Variants in COCH observed in about 807,000 individuals in gnomAD.
COCH encodes cochlin, also known as coagulation factor C homolog, cochlin (Limulus polyphemus).
Under a neutral mutation model 54.8 loss-of-function variants are expected in COCH, and 40 were observed. That is an observed-to-expected ratio of 0.73 (90% CI 0.57 to 0.95). The LOEUF (loss-of-function observed/expected upper bound fraction) is 0.95, where lower values mean the gene tolerates loss of function less well. COCH is among the 40% of genes least tolerant of loss of function. COCH has a pLI of 0.00. For synonymous variants in COCH, 256 were observed against 237.9 expected, an observed-to-expected ratio of 1.08 and a Z score of -0.70; for missense variants, 605 against 675.0, an observed-to-expected ratio of 0.90 and a Z score of 1.15.
downstream of COCH, chr14:30,895,086 GAA>G (rs1896104208): frequency 1.0e-4 from 12 of 116,192 alleles, no homozygotes; most frequent in African/African-American, 5.9e-4. Flanking sequence ...AAAAGAAGAA[GAA>G]GAAGAGAAAA....
In COCH at chr14:30,886,002, T is replaced by C. The variant is rs77370101; in HGVS notation, c.1167T>C (p.Phe389=). 1,260 of 1,614,234 alleles carry C rather than the reference T, an allele frequency of 7.8e-4. 6 individuals carry two copies. The African/African-American group carries it at 0.015, about 19-fold the overall frequency. The change falls in exon 11 of 12, where the codon TTT becomes TTC. Residue 389 remains phenylalanine (F), a synonymous_variant. Transcript: ENST00000396618. ...GCAATTTCCGCCTCATGCTTGAATT[T>C]GTTTCCAACATAGCCAAGACTTTTG... ...GDSNFRLMLE[F]VSNIAKTFEI... is the part of the protein sequence containing the mutation.
At position 30,889,929 on chromosome 14, in the gene COCH, T is replaced by C; in HGVS notation, c.*138T>C. The stretch of plus-strand genomic sequence containing the variant: ...GTATGTCAACAGCCATTTAGGCAAA[T>C]AAGCACTCCTTTAAAGCCGCTGCCT... On this transcript the variant is annotated 3_prime_UTR_variant, in exon 12 of 12. Transcript: ENST00000396618. 7.0e-7 allele frequency: 1 copy of C among 1,420,952 alleles called. No homozygotes were observed. 88.0% of individuals were successfully genotyped at this position (1,420,952 alleles called of 1,614,324 possible). A position where few individuals can be genotyped will look rare whatever the true frequency, so the allele number is the denominator to read the frequency against.
intron 9 of COCH, 193 bp from the exon 10 acceptor site, chr14:30,885,201 T>C: frequency 9.6e-7 from 1 of 1,037,160 alleles, no homozygotes; most frequent in East Asian, 2.4e-5. Flanking sequence ...ATAGGCCTGG[T>C]AGATAATTAA....
rs1431278294 is a variant in COCH, at chr14:30,890,298, G to A, written c.*507G>A. 3 of 985,046 alleles carry A rather than the reference G, an allele frequency of 3.0e-6. No individual in the cohort carries two copies. The highest frequency in any genetic ancestry group is 2.3e-4 in the East Asian group (2 of 8,830). The allele number at this position is 985,046 out of a possible 1,614,324, so 61.0% of individuals were successfully genotyped here. A position where few individuals can be genotyped will look rare whatever the true frequency, so the allele number is the denominator to read the frequency against. On this transcript the variant is annotated 3_prime_UTR_variant, in exon 12 of 12. Transcript: ENST00000396618. ...TCAATAATAGCTAGCTATTACTGCAGACTATAAAATCTGGATATAGAAAGG... is the reference window on the plus strand; with the variant it reads ...TCAATAATAGCTAGCTATTACTGCAAACTATAAAATCTGGATATAGAAAGG...
downstream of COCH, among the ~76,000 whole-genome samples, chr14:30,892,087 A>C (rs1466688319): frequency 6.9e-6 from 1 of 144,994 alleles, no homozygotes; most frequent in Non-Finnish European, 1.6e-5. Flanking sequence ...TCAACATATT[A>C]AGATTTGTAT....
At chr14:30,888,588 A>T (rs1895871567) in intron 11 of COCH, among the ~76,000 whole-genome samples, 1 of 152,028 alleles carries the variant, frequency 6.6e-6, no homozygotes, top group South Asian at 2.1e-4. Context: ...TCGAGATGAG[A>T]CCAGCCTGAA....
In COCH at chr14:30,878,793, G is replaced by T. The variant is rs778540217; in HGVS notation, c.240-18G>T. 1.2e-6 allele frequency: 2 copies of T among 1,614,138 alleles called. No homozygotes were observed. Among genetic ancestry groups the T allele is most frequent in the South Asian group, 2.2e-5 (2 of 91,072 alleles). On this transcript the variant is annotated intron_variant, in intron 4 of 11. Transcript: ENST00000396618. ...AAAAAGTGTGGATAGCATCTCAGCT[G>T]CTATTCTTGTGTTACAGGGGAGTAA...
At position 30,885,907 on chromosome 14, in the gene COCH, TGCA is replaced by T. The variant is rs1318656068; in HGVS notation, c.1076_1078del (p.Ser359del). 4 of 1,614,088 alleles carry T rather than the reference TGCA, an allele frequency of 2.5e-6. No homozygotes were observed. Among genetic ancestry groups the T allele is most frequent in the Admixed American group, 1.7e-5 (1 of 60,008 alleles). ...GCTGTGCACTCATGAACAAATGATG[TGCA>T]GCAAGACCTGTTATAACTCAGTGAA... On this transcript the variant is annotated inframe_deletion, in exon 11 of 12. Transcript: ENST00000396618.
chr14:30,891,485 C>G (rs1197850038), downstream of COCH, among the ~76,000 whole-genome samples: 1 of 152,174 alleles, frequency 6.6e-6, no homozygotes, highest in Non-Finnish European at 1.5e-5. Context: ...CTGGAATTGA[C>G]TTTTTCACTA....
rs201955674 is a variant in COCH at position 30,880,576 on chromosome 14, G to A, written c.482-11G>A. ...GACTGCTAATGAGGGGACTGGTTTG[G>A]TTGTTCGCAGATTGTAAAGCAGACA... is the stretch of plus-strand genomic sequence containing the variant. On this transcript the variant is annotated splice_polypyrimidine_tract_variant and intron_variant, in intron 7 of 11. Transcript: ENST00000396618. The A allele has an allele frequency of 2.7e-5, 44 of 1,614,010 alleles. No individual in the cohort carries two copies. Among genetic ancestry groups the A allele is most frequent in the Non-Finnish European group, 3.7e-5 (44 of 1,180,040 alleles).
At position 30,890,261 on chromosome 14, in the gene COCH, T is replaced by A; in HGVS notation, c.*470T>A. The stretch of plus-strand genomic sequence containing the variant: ...CATATTTTGACCCAAGTGGATATTT[T>A]CTTAAAACCAATCAATAATAGCTAG... On this transcript the variant is annotated 3_prime_UTR_variant, in exon 12 of 12. Coordinates refer to ENST00000396618, the MANE Select transcript of COCH (RefSeq NM_004086.3). 1 of 986,412 alleles carries A rather than the reference T, an allele frequency of 1.0e-6. No homozygotes were observed. Among genetic ancestry groups the A allele is most frequent in the South Asian group, 4.7e-5 (1 of 21,374 alleles). The allele number at this position is 986,412 out of a possible 1,614,324, so 61.1% of individuals were successfully genotyped here.
intron 11 of COCH, chr14:30,889,156 T>G: frequency 6.2e-6 from 1 of 161,446 alleles, no homozygotes. Flanking sequence ...TCCCATCTCT[T>G]GTGCCATTCT....
chr14:30,877,736 C>T lies in COCH; in HGVS notation c.239+8C>T, dbSNP rs1442600068. On this transcript the variant is annotated splice_region_variant and intron_variant, in intron 4 of 11. Transcript: ENST00000396618. This position sits in a 1 kb window ranked among gnomAD's most constrained non-coding sequence, Gnocchi z 8.6. ...TGGGGCTGCTGTCCACAGGTAAGCC[C>T]AAACACACCAGGGTGGGAGAGAAAT... The T allele has an allele frequency of 6.2e-7, 1 of 1,614,122 alleles. No individual in the cohort carries two copies. Among genetic ancestry groups the T allele is most frequent in the South Asian group, 1.1e-5 (1 of 91,074 alleles).
At position 30,879,416 on chromosome 14, in the gene COCH, T is replaced by A; in HGVS notation, c.374-7T>A. 1 of 1,613,854 alleles carries A rather than the reference T, an allele frequency of 6.2e-7. No individual in the cohort carries two copies. Among genetic ancestry groups the A allele is most frequent in the Non-Finnish European group, 8.5e-7 (1 of 1,179,832 alleles). Reference sequence around the variant, plus strand: ...GGAAAAAAATAAGCTTATTTTTATTTTAACAGAAGGCAAAAGTAGTACACA... The same window carrying A: ...GGAAAAAAATAAGCTTATTTTTATTATAACAGAAGGCAAAAGTAGTACACA... On this transcript the variant is annotated splice_region_variant and splice_polypyrimidine_tract_variant and intron_variant, in intron 5 of 11. Coordinates refer to ENST00000396618, the MANE Select transcript of COCH (RefSeq NM_004086.3).
At chr14:30,883,764 G>C (rs1895691129) in intron 8 of COCH, among the ~76,000 whole-genome samples, 2 of 152,262 alleles carry the variant, frequency 1.3e-5, no homozygotes, top group South Asian at 4.1e-4. Flanking sequence ...GCTGAACACA[G>C]AGTAGTTATA....
chr14:30,892,700 G>C (rs140018269), downstream of COCH, among the ~76,000 whole-genome samples: 592 of 152,084 alleles, frequency 3.9e-3, 1 homozygote, highest in African/African-American at 0.014. Context: ...CCAGCTACTT[G>C]GGAGGCTGAG....
At chr14:30,895,284 G>T, downstream of COCH, 1 of 902,594 alleles carries the variant, frequency 1.1e-6, no homozygotes, top group Non-Finnish European at 1.6e-6. Flanking sequence ...ACCAATTTGT[G>T]CCTGCCCCAG....
Position 30,877,767 on chromosome 14 carries a change from C to G in COCH, c.239+39C>G. On this transcript the variant is annotated intron_variant, in intron 4 of 11. Transcript: ENST00000396618. The surrounding 1 kb of genome is among the most constrained non-coding windows in gnomAD (Gnocchi z 8.6). ...CACCAGGGTGGGAGAGAAATGCAGA[C>G]GTGATTATTTCCTTTCCTGCTTTAC... 6.2e-7 allele frequency: 1 copy of G among 1,613,328 alleles called. No individual in the cohort carries two copies. The highest frequency in any genetic ancestry group is 2.2e-5 in the East Asian group (1 of 44,884).
intron 8 of COCH, among the ~76,000 whole-genome samples, chr14:30,882,127 T>TTTTTTTTTTTTG (rs1566410386): frequency 5.1e-5 from 5 of 98,518 alleles, no homozygotes. Flanking sequence ...ATGGTTTTTT[T>TTTTTTTTTTTTG]TTTTTTTTTT....
Sources: gnomAD v4.1 joint callset for allele counts (sites outside exome capture counted in the v4.1 genomes callset) on GRCh38, gnomAD v4.1.1 for gene constraint, Gnocchi (gnomAD v3.1) non-coding constraint, MANE v1.5 for transcripts, NCBI Gene and HGNC (gene_info 2026-07-23, HGNC 2026-07-21) for gene names.